BNC2: variants seen among roughly 807,000 people sequenced by gnomAD.
BNC2 encodes the protein zinc finger protein basonuclin-2.
BNC2 carries 20 observed loss-of-function variants against 76.3 expected under a neutral mutation model. That is an observed-to-expected ratio of 0.26 (90% confidence interval 0.18 to 0.38). The LOEUF (loss-of-function observed/expected upper bound fraction) is 0.38. Ranked by LOEUF, BNC2 falls within the 10% of genes least tolerant of loss-of-function variation. BNC2 has a pLI of 1.00. For synonymous variants in BNC2, 582 were observed against 514.8 expected (o/e 1.13, Z -1.77); for missense variants, 1,382 against 1,399.8 (o/e 0.99, Z 0.20).
Position 16,435,998 on chromosome 9 carries a change from T to G in BNC2, c.2196A>C (p.Lys732Asn). The part of the protein sequence containing the change: ...YENESESSEP[K>N]LGEESMEGDE... Reference sequence around the variant, plus strand: ...CCCCTTCCATGGATTCCTCGCCCAGTTTGGGCTCCGAAGACTCAGACTCGT... The same window carrying G: ...CCCCTTCCATGGATTCCTCGCCCAGGTTGGGCTCCGAAGACTCAGACTCGT... Residue 732 changes from lysine (K) to asparagine (N), a missense_variant, in exon 6 of 7, where the codon AAA (lysine) becomes AAC (asparagine). Physicochemically the swap from Lys to Asn is moderately conservative, Grantham distance 94. This residue lies in a region of BNC2 where 798 missense variants were observed against 775.5 expected (regional missense o/e 1.03). Coordinates refer to ENST00000380672, the MANE Select transcript of BNC2 (RefSeq NM_017637.6). 6.2e-7 allele frequency: 1 copy of G among 1,614,176 alleles called. No individual in the cohort carries two copies. The highest frequency in any genetic ancestry group is 8.5e-7 in the Non-Finnish European group (1 of 1,180,028).
chr9:16,760,960 G>A (rs541262166), intron 1 of BNC2, among the ~76,000 whole-genome samples: 1 of 152,174 alleles, frequency 6.6e-6, no homozygotes, highest in African/African-American at 2.4e-5. Context: ...AGAATTTTCA[G>A]GGCCAGGTGC....
intron 1 of BNC2, among the ~76,000 whole-genome samples, chr9:16,740,909 C>A (rs543095670): frequency 6.6e-6 from 1 of 152,148 alleles, no homozygotes; most frequent in South Asian, 2.1e-4. Context: ...GAAAAAAAAT[C>A]TGTGGTTAAG....
chr9:16,666,313 C>T (rs1482877271), intron 3 of BNC2, among the ~76,000 whole-genome samples: 1 of 152,188 alleles, frequency 6.6e-6, no homozygotes, highest in East Asian at 1.9e-4. Context: ...GTAATGTTGG[C>T]ATTCCCTTGA....
chr9:16,500,951 T>G (rs1301773551), intron 5 of BNC2, among the ~76,000 whole-genome samples: 1 of 152,186 alleles, frequency 6.6e-6, no homozygotes, highest in Non-Finnish European at 1.5e-5. Flanking sequence ...AGTATCCTGG[T>G]ATAAATCATA....
intron 5 of BNC2, among the ~76,000 whole-genome samples, chr9:16,457,820 G>A (rs1187481051): frequency 6.6e-6 from 1 of 152,230 alleles, no homozygotes; most frequent in Non-Finnish European, 1.5e-5. Context: ...AACCTGGCAA[G>A]CAGGCCTCCC....
intron 3 of BNC2, among the ~76,000 whole-genome samples, chr9:16,638,047 G>A (rs1360153792): frequency 6.6e-6 from 1 of 152,164 alleles, no homozygotes; most frequent in East Asian, 1.9e-4. Context: ...GAGCAGGATT[G>A]GATCCGCCTC....
chr9:16,657,994 C>T (rs2134014024), intron 3 of BNC2, among the ~76,000 whole-genome samples: 1 of 152,064 alleles, frequency 6.6e-6, no homozygotes, highest in African/African-American at 2.4e-5. Context: ...GGAATCAACC[C>T]CCTAAGTAGA....
At chr9:16,636,897 T>C (rs954896659) in intron 3 of BNC2, among the ~76,000 whole-genome samples, 1 of 151,960 alleles carries the variant, frequency 6.6e-6, no homozygotes, top group Non-Finnish European at 1.5e-5. Context: ...TCAATTTAAA[T>C]CATTTGTCCT....
chr9:16,592,341 A>C (rs1181898724), intron 3 of BNC2, among the ~76,000 whole-genome samples: 1 of 152,166 alleles, frequency 6.6e-6, no homozygotes, highest in Non-Finnish European at 1.5e-5. Flanking sequence ...ATATAATGAA[A>C]TTTTATTTGG....
chr9:16,870,405 C>G (rs995512407), intron 1 of BNC2, among the ~76,000 whole-genome samples: 1 of 152,096 alleles, frequency 6.6e-6, no homozygotes, highest in African/African-American at 2.4e-5. Context: ...GTGCACCCTC[C>G]CACCTAGAGC....
At chr9:16,822,071 C>T (rs1818348958) in intron 1 of BNC2, among the ~76,000 whole-genome samples, 2 of 127,462 alleles carry the variant, frequency 1.6e-5, no homozygotes, top group Admixed American at 9.8e-5. Context: ...CCACCCTGGG[C>T]GACAGAGCCA....
intron 3 of BNC2, among the ~76,000 whole-genome samples, chr9:16,697,253 G>A (rs557719199): frequency 2.6e-5 from 4 of 152,196 alleles, no homozygotes; most frequent in Non-Finnish European, 4.4e-5. Flanking sequence ...AGCTACTCAG[G>A]AGGCTGAGGC....
intron 1 of BNC2, among the ~76,000 whole-genome samples, chr9:16,830,872 A>T (rs571913506): frequency 1.3e-4 from 20 of 152,334 alleles, no homozygotes; most frequent in African/African-American, 4.6e-4. Context: ...GGATTCTTGG[A>T]GGCTGAAAGA....
intron 3 of BNC2, among the ~76,000 whole-genome samples, chr9:16,712,622 C>T (rs1439594810): frequency 6.6e-6 from 1 of 152,232 alleles, no homozygotes; most frequent in African/African-American, 2.4e-5. Flanking sequence ...AACGGACACA[C>T]ACACTGCACA....
intron 3 of BNC2, among the ~76,000 whole-genome samples, chr9:16,618,568 C>A (rs549953535): frequency 1.3e-5 from 2 of 152,290 alleles, no homozygotes; most frequent in African/African-American, 2.4e-5. Context: ...TAGGACTTCA[C>A]ATTACAGTAC....
chr9:16,628,121 G>C (rs1821049996), intron 3 of BNC2, among the ~76,000 whole-genome samples: 1 of 152,086 alleles, frequency 6.6e-6, no homozygotes, highest in Non-Finnish European at 1.5e-5. Context: ...TCCAACTAAT[G>C]AATCACATAC....
chr9:16,415,465 T>A lies in BNC2; in HGVS notation c.*3524A>T, dbSNP rs1174042817. The stretch of plus-strand genomic sequence containing the variant: ...ATCACATGGGGAAAAGCTTGTCGGA[T>A]GAACATCTACATCACTATTAATTTT... On this transcript the variant is annotated 3_prime_UTR_variant, in exon 7 of 7. Transcript: ENST00000380672. The A allele has an allele frequency of 6.5e-6, 1 of 152,678 alleles. No individual in the cohort carries two copies. The highest frequency in any genetic ancestry group is 2.4e-5 in the African/African-American group (1 of 41,464). 9.5% of individuals were successfully genotyped at this position (152,678 alleles called of 1,614,324 possible). A position where few individuals can be genotyped will look rare whatever the true frequency, so the allele number is the denominator to read the frequency against.
chr9:16,864,245 A>T (rs1242526778), intron 1 of BNC2, among the ~76,000 whole-genome samples: 2 of 152,178 alleles, frequency 1.3e-5, no homozygotes, highest in Non-Finnish European at 2.9e-5. Context: ...ATAGATTTTA[A>T]AACATATATA....
At chr9:16,596,841 T>A (rs1820100513) in intron 3 of BNC2, among the ~76,000 whole-genome samples, 1 of 152,088 alleles carries the variant, frequency 6.6e-6, no homozygotes, top group East Asian at 1.9e-4. Context: ...AATAAGCCTA[T>A]CTACATGAAT....
Sources: allele counts gnomAD v4.1 joint callset (sites outside exome capture counted in the v4.1 genomes callset), GRCh38; gene constraint gnomAD v4.1.1; regional missense constraint gnomAD v4.1.1; transcripts MANE v1.5; gene names NCBI Gene and HGNC (gene_info 2026-07-23, HGNC 2026-07-21).